VSTM5: variants seen among roughly 807,000 people sequenced by gnomAD.
VSTM5 encodes the protein V-set and transmembrane domain containing 5, also known as V-set and transmembrane domain-containing protein 5.
Under a neutral mutation model 20.3 loss-of-function variants are expected in VSTM5, and 21 were observed. That is an observed-to-expected ratio of 1.03 (90% CI 0.73 to 1.49). The LOEUF (loss-of-function observed/expected upper bound fraction) is 1.49. Ranked by LOEUF, VSTM5 falls within the 40% of genes most tolerant of loss-of-function variation. The pLI, the probability that VSTM5 is intolerant of heterozygous loss-of-function variation, is 0.00. For missense variants in VSTM5, 219 were observed against 250.0 expected (o/e 0.88, Z 0.84); for synonymous variants, 100 against 102.5 (o/e 0.98, Z 0.14).
In VSTM5 at chr11:93,818,423, A is replaced by G. The variant is rs150201480; in HGVS notation, c.*2146T>C. 3 of 152,010 alleles carry G rather than the reference A, an allele frequency of 2.0e-5. No homozygotes were observed. The highest frequency in any genetic ancestry group is 7.2e-5 in the African/African-American group (3 of 41,400). The allele number at this position is 152,010 out of a possible 1,614,324, so 9.4% of individuals were successfully genotyped here. On this transcript the variant is annotated 3_prime_UTR_variant, in exon 4 of 4. Transcript: ENST00000409977. ...AGTATGGCAGAGCTTTAAAAATTCA[A>G]AAGAAACCCTTTTTTCAAAGAAATG...
intron 1 of VSTM5, among the ~76,000 whole-genome samples, chr11:93,842,285 G>A (rs185009314): frequency 6.6e-6 from 1 of 152,294 alleles, no homozygotes; most frequent in Non-Finnish European, 1.5e-5. Context: ...TGTTGGAGGA[G>A]GAGGCTGGTT....
chr11:93,822,310 C>T (rs1041242442), intron 1 of VSTM5, among the ~76,000 whole-genome samples: 2 of 151,006 alleles, frequency 1.3e-5, no homozygotes, highest in African/African-American at 4.9e-5. Context: ...CTCAAACTCC[C>T]GACCTCATCA....
At chr11:93,822,786 G>A (rs1458160884) in intron 1 of VSTM5, among the ~76,000 whole-genome samples, 2 of 152,146 alleles carry the variant, frequency 1.3e-5, no homozygotes, top group African/African-American at 4.8e-5. Flanking sequence ...ACCATGCCCA[G>A]CTCGTATCTC....
At position 93,840,760 on chromosome 11, in the gene VSTM5, G is replaced by A. The variant is rs564434915; in HGVS notation, c.91+9652C>T. ...ATCACGGAACTAGATTGCAGGGCCC[G>A]GTCCCCAGTTTCTCATTCAGTAGGG... On this transcript the variant is annotated intron_variant, in intron 1 of 3. Coordinates refer to ENST00000409977, the MANE Select transcript of VSTM5 (RefSeq NM_001144871.2). Among the ~76,000 whole-genome samples the A allele has an allele frequency of 3.1e-4, 47 of 152,178 alleles. No individual in the cohort carries two copies. In the Middle Eastern group the frequency reaches 0.01, roughly 33 times the overall value.
intron 1 of VSTM5, among the ~76,000 whole-genome samples, chr11:93,822,570 C>T (rs1379691510): frequency 6.6e-6 from 1 of 152,152 alleles, no homozygotes; most frequent in African/African-American, 2.4e-5. Flanking sequence ...TCAACCTCCG[C>T]CTCTTGGGTT....
At chr11:93,840,368 A>G (rs867493856) in intron 1 of VSTM5, among the ~76,000 whole-genome samples, 1 of 152,178 alleles carries the variant, frequency 6.6e-6, no homozygotes, top group Non-Finnish European at 1.5e-5. Context: ...AAAACTTCCC[A>G]TGTGTTTCCA....
rs1944148468 is a variant in VSTM5, at chr11:93,818,462, A to G, written c.*2107T>C. ...TTCAAAGAAATGGAAAGCCAAGGAAAGAAGCTTTTTTTAAAAAAAACATTG... is the reference window on the plus strand; with the variant it reads ...TTCAAAGAAATGGAAAGCCAAGGAAGGAAGCTTTTTTTAAAAAAAACATTG... On this transcript the variant is annotated 3_prime_UTR_variant, in exon 4 of 4. Transcript: ENST00000409977. 6.7e-6 allele frequency: 1 copy of G among 148,550 alleles called. No individual in the cohort carries two copies. Among genetic ancestry groups the G allele is most frequent in the Non-Finnish European group, 1.5e-5 (1 of 66,866 alleles). 9.2% of individuals were successfully genotyped at this position (148,550 alleles called of 1,614,324 possible). A position where few individuals can be genotyped will look rare whatever the true frequency, so the allele number is the denominator to read the frequency against.
intron 1 of VSTM5, among the ~76,000 whole-genome samples, chr11:93,839,590 ATAT>A (rs1449915519): frequency 2.0e-5 from 3 of 152,190 alleles, no homozygotes; most frequent in Non-Finnish European, 4.4e-5. Flanking sequence ...TTAAAAAGAA[ATAT>A]TATCATAGTC....
chr11:93,841,466 T>G lies in VSTM5; in HGVS notation c.91+8946A>C, dbSNP rs370922165. On this transcript the variant is annotated intron_variant, in intron 1 of 3. Transcript: ENST00000409977. ...GGCTTTCCTTCTGGTAACACCTAGG[T>G]GATGCTTCCTTCACCCTCTTCAAAA... Among the ~76,000 whole-genome samples, 11 of 152,326 alleles carry G rather than the reference T, an allele frequency of 7.2e-5. No homozygotes were observed. The East Asian group carries it at 1.5e-3, about 21-fold the overall frequency.
rs527892304 is a variant in VSTM5 at position 93,847,273 on chromosome 11, G to A, written c.91+3139C>T. On this transcript the variant is annotated intron_variant, in intron 1 of 3. Coordinates refer to ENST00000409977, the MANE Select transcript of VSTM5 (RefSeq NM_001144871.2). ...AGATGTTTGCCACATGGATGGCAGC[G>A]TTGGGCAGCTGCTGAGGACTTATGG... is the stretch of plus-strand genomic sequence containing the variant. Among the ~76,000 whole-genome samples, 9 of 152,316 alleles carry A rather than the reference G, an allele frequency of 5.9e-5. No homozygotes were observed. In the South Asian group the frequency reaches 1.0e-3, roughly 18 times the overall value.
At chr11:93,832,410 T>A (rs1369764304) in intron 1 of VSTM5, among the ~76,000 whole-genome samples, 1 of 152,156 alleles carries the variant, frequency 6.6e-6, no homozygotes, top group African/African-American at 2.4e-5. Flanking sequence ...GCATAGAACA[T>A]CTCTAAGTTA....
Position 93,850,600 on chromosome 11 carries a change from A to G in VSTM5, c.-98T>C. On this transcript the variant is annotated 5_prime_UTR_variant, in exon 1 of 4. Transcript: ENST00000409977. ...CTCTTCCTCCGCCTCTGGCTGCCGC[A>G]GGTTCTTTAGGGCCAGATGCAGATG... is the stretch of plus-strand genomic sequence containing the variant. 1.8e-6 allele frequency: 1 copy of G among 571,054 alleles called. No homozygotes were observed. Among genetic ancestry groups the G allele is most frequent in the East Asian group, 1.4e-4 (1 of 7,184 alleles). The allele number at this position is 571,054 out of a possible 1,614,324, so 35.4% of individuals were successfully genotyped here.
At chr11:93,844,161 G>C (rs1222977456) in intron 1 of VSTM5, among the ~76,000 whole-genome samples, 1 of 152,222 alleles carries the variant, frequency 6.6e-6, no homozygotes, top group Non-Finnish European at 1.5e-5. Context: ...GAATTGACCT[G>C]ACATAAGGGA....
chr11:93,843,805 C>A (rs765300314), intron 1 of VSTM5, among the ~76,000 whole-genome samples: 2 of 152,188 alleles, frequency 1.3e-5, no homozygotes, highest in Admixed American at 6.5e-5. Context: ...TCCCAACTTT[C>A]TTTTCCATCT....
intron 1 of VSTM5, among the ~76,000 whole-genome samples, chr11:93,836,964 C>T (rs565055632): frequency 6.6e-6 from 1 of 151,336 alleles, no homozygotes; most frequent in African/African-American, 2.4e-5. Context: ...TCTTGTGTGA[C>T]CCTTGGGATC....
At chr11:93,832,591 A>G (rs1372520051) in intron 1 of VSTM5, among the ~76,000 whole-genome samples, 1 of 152,224 alleles carries the variant, frequency 6.6e-6, no homozygotes, top group Non-Finnish European at 1.5e-5. Context: ...ACTGCATGCC[A>G]AGATTGAGTC....
chr11:93,834,924 T>C (rs34298809), intron 1 of VSTM5, among the ~76,000 whole-genome samples: 6,244 of 152,080 alleles, frequency 0.041, 397 homozygotes, highest in African/African-American at 0.14. Flanking sequence ...AACCCATTCA[T>C]GGATTAATAG....
chr11:93,825,389 C>G (rs1331789713), intron 1 of VSTM5, among the ~76,000 whole-genome samples: 1 of 152,206 alleles, frequency 6.6e-6, no homozygotes, highest in Non-Finnish European at 1.5e-5. Context: ...AAGCTGGTCT[C>G]AAACTCCTGG....
At chr11:93,838,205 C>G (rs1441815245) in intron 1 of VSTM5, among the ~76,000 whole-genome samples, 2 of 152,158 alleles carry the variant, frequency 1.3e-5, no homozygotes, top group African/African-American at 4.8e-5. Context: ...GGCGTGGTGG[C>G]TCACGCCTGT....
Sources: allele counts gnomAD v4.1 joint callset (sites outside exome capture counted in the v4.1 genomes callset), GRCh38; gene constraint gnomAD v4.1.1; transcripts MANE v1.5; gene names NCBI Gene and HGNC (gene_info 2026-07-23, HGNC 2026-07-21).